Variants in ARHGAP17 observed in about 807,000 individuals in gnomAD.
ARHGAP17 encodes rho GTPase-activating protein 17.
ARHGAP17 carries 57 observed loss-of-function variants against 99.5 expected under a neutral mutation model. The observed-to-expected ratio is 0.57, with a 90% CI of 0.46 to 0.71. ARHGAP17 has a LOEUF of 0.71. Ranked by LOEUF, ARHGAP17 falls within the 30% of genes least tolerant of loss-of-function variation. The probability of loss-of-function intolerance (pLI) is 0.00; values close to 1 mark genes in which losing one functional copy is unlikely to be tolerated. For missense variants in ARHGAP17, 1,000 were observed against 1,122.4 expected (o/e 0.89, Z 1.56); for synonymous variants, 417 against 429.6 (o/e 0.97, Z 0.36).
intron 4 of ARHGAP17, among the ~76,000 whole-genome samples, chr16:24,970,246 C>T (rs984833789): frequency 1.3e-5 from 2 of 152,206 alleles, no homozygotes; most frequent in Admixed American, 6.5e-5. Context: ...GGGGAATAGG[C>T]ATTGACCCTA....
chr16:24,954,810 G>A, intron 9 of ARHGAP17, 80 bp from the exon 10 acceptor site: 1 of 1,565,730 alleles, frequency 6.4e-7, no homozygotes, highest in Admixed American at 1.8e-5. Context: ...CTACCCAATG[G>A]GCTTTTCTAG....
At chr16:24,935,843 A>AG (rs1555459627) in intron 17 of ARHGAP17, 6 of 550,462 alleles carry the variant, frequency 1.1e-5, no homozygotes, top group African/African-American at 9.6e-5. Flanking sequence ...ACTTGGTGCC[A>AG]TTTTTTTTTT....
chr16:24,950,836 C>CAAACAAA (rs1386246671), intron 12 of ARHGAP17, among the ~76,000 whole-genome samples: 10 of 39,444 alleles, frequency 2.5e-4, no homozygotes, highest in African/African-American at 1.0e-3. Flanking sequence ...GACTCCAACT[C>CAAACAAA]AAAAAAAAAA....
At chr16:24,961,960 TAGAG>T (rs1442234180) in intron 7 of ARHGAP17, among the ~76,000 whole-genome samples, 1 of 127,852 alleles carries the variant, frequency 7.8e-6, no homozygotes, top group Non-Finnish European at 1.6e-5. Context: ...AATATATATG[TAGAG>T]AGAGTTTGTT....
At chr16:24,998,118 G>A (rs1328918908) in intron 1 of ARHGAP17, among the ~76,000 whole-genome samples, 1 of 152,038 alleles carries the variant, frequency 6.6e-6, no homozygotes, top group Non-Finnish European at 1.5e-5. Context: ...AGGTGCGGGT[G>A]AAGCATGGAT....
chr16:24,941,499 G>A (rs9923774), intron 16 of ARHGAP17, among the ~76,000 whole-genome samples: 1,799 of 152,186 alleles, frequency 0.012, 36 homozygotes, highest in African/African-American at 0.042. Context: ...CAAATACTGA[G>A]GTTTTTCCCA....
intron 1 of ARHGAP17, among the ~76,000 whole-genome samples, chr16:25,002,764 C>T (rs1256996465): frequency 6.6e-6 from 1 of 152,004 alleles, no homozygotes; most frequent in Non-Finnish European, 1.5e-5. Flanking sequence ...TCTGGCTGGG[C>T]GCGATGGCTC....
chr16:24,944,752 G>A (rs1182943025), intron 14 of ARHGAP17, among the ~76,000 whole-genome samples: 2 of 152,006 alleles, frequency 1.3e-5, no homozygotes, highest in Non-Finnish European at 2.9e-5. Flanking sequence ...GAGTAGCTGG[G>A]ACTACAGGCA....
chr16:24,993,838 A>C (rs972875892), intron 1 of ARHGAP17, among the ~76,000 whole-genome samples: 3 of 152,060 alleles, frequency 2.0e-5, no homozygotes, highest in Non-Finnish European at 4.4e-5. Flanking sequence ...ACATCCCTTA[A>C]CCTTTCTGCC....
chr16:24,962,361 G>A (rs748752547), intron 7 of ARHGAP17, among the ~76,000 whole-genome samples: 3 of 152,130 alleles, frequency 2.0e-5, no homozygotes, highest in Admixed American at 6.5e-5. Context: ...TACTCTCAAC[G>A]AAACAACAGA....
intron 2 of ARHGAP17, among the ~76,000 whole-genome samples, chr16:24,978,747 G>A (rs548748801): frequency 6.6e-6 from 1 of 151,998 alleles, no homozygotes; most frequent in South Asian, 2.1e-4. Flanking sequence ...GCTAACCAGC[G>A]CAGACGTGAG....
intron 1 of ARHGAP17, among the ~76,000 whole-genome samples, chr16:24,998,667 T>C (rs1244718769): frequency 2.0e-5 from 3 of 152,184 alleles, no homozygotes; most frequent in East Asian, 1.9e-4. Flanking sequence ...CCAGCTGAGC[T>C]TGGAGGCCAT....
chr16:25,008,200 T>C (rs534730561), intron 1 of ARHGAP17, among the ~76,000 whole-genome samples: 1 of 152,188 alleles, frequency 6.6e-6, no homozygotes, highest in Non-Finnish European at 1.5e-5. Flanking sequence ...AAAACAAATC[T>C]TTTTTTGTAA....
intron 5 of ARHGAP17, 101 bp from the exon 6 acceptor site, chr16:24,968,528 T>C (rs1029376141): frequency 8.6e-6 from 13 of 1,518,658 alleles, no homozygotes; most frequent in African/African-American, 1.4e-5. Flanking sequence ...AAGGATTTTG[T>C]ACCTTCAATT....
intron 1 of ARHGAP17, among the ~76,000 whole-genome samples, chr16:24,984,772 C>A (rs1195739568): frequency 6.6e-6 from 1 of 151,904 alleles, no homozygotes; most frequent in Non-Finnish European, 1.5e-5. Context: ...GGTTGAAAAG[C>A]AGCCATAGGT....
chr16:24,937,223 A>T (rs2051166411), intron 17 of ARHGAP17, among the ~76,000 whole-genome samples: 1 of 151,972 alleles, frequency 6.6e-6, no homozygotes, highest in Non-Finnish European at 1.5e-5. Context: ...GGACATCGCG[A>T]CCAGCCTGGC....
At position 24,952,386 on chromosome 16, in the gene ARHGAP17, C is replaced by T; in HGVS notation, c.965-16G>A. The T allele has an allele frequency of 6.2e-7, 1 of 1,601,760 alleles. No homozygotes were observed. The highest frequency in any genetic ancestry group is 1.1e-5 in the South Asian group (1 of 90,216). ...TTTAAAGCACCTGAAATCATTAACA[C>T]TCTCTTTGAGTATGAAAAAGGGGTA... On this transcript the variant is annotated splice_polypyrimidine_tract_variant and intron_variant, in intron 11 of 19. Coordinates refer to ENST00000289968, the MANE Select transcript of ARHGAP17 (RefSeq NM_001006634.3).
rs908162925 is a variant in ARHGAP17, at chr16:24,967,527, G to A, written c.461+824C>T. Among the ~76,000 whole-genome samples, 7 of 152,266 alleles carry A rather than the reference G, an allele frequency of 4.6e-5. No individual in the cohort carries two copies. In the South Asian group the frequency reaches 6.2e-4, roughly 14 times the overall value. ...GTAAGTCACTGATAGAAACTCCACTGAGGGCCAGGTACCACGGCTCATGGC... is the reference window on the plus strand; with the variant it reads ...GTAAGTCACTGATAGAAACTCCACTAAGGGCCAGGTACCACGGCTCATGGC... On this transcript the variant is annotated intron_variant, in intron 6 of 19. Coordinates refer to ENST00000289968, the MANE Select transcript of ARHGAP17 (RefSeq NM_001006634.3).
At chr16:25,001,526 G>A (rs534555466) in intron 1 of ARHGAP17, among the ~76,000 whole-genome samples, 30 of 152,148 alleles carry the variant, frequency 2.0e-4, no homozygotes, top group Admixed American at 6.5e-4. Flanking sequence ...GCCAAAACTC[G>A]CCTTTATACA....
Sources: gnomAD v4.1 joint callset for allele counts (sites outside exome capture counted in the v4.1 genomes callset) on GRCh38, gnomAD v4.1.1 for gene constraint, MANE v1.5 for transcripts, NCBI Gene and HGNC (gene_info 2026-07-23, HGNC 2026-07-21) for gene names.